Variants in SLC5A4 observed in about 807,000 individuals in gnomAD.
The protein encoded by SLC5A4 is probable glucose sensor protein SLC5A4.
A neutral mutation model predicts 70.3 loss-of-function variants in SLC5A4; 55 were observed. The ratio of observed to expected loss-of-function variants is 0.78; its 90% CI spans 0.63 to 0.98. The LOEUF (loss-of-function observed/expected upper bound fraction) is 0.98, where lower values mean the gene tolerates loss of function less well. Among genes scored for constraint, SLC5A4 ranks in the 50% least tolerant of loss-of-function variants. SLC5A4 has a pLI of 0.00. For synonymous variants in SLC5A4, 268 were observed against 305.7 expected (o/e 0.88, Z 1.29); for missense variants, 735 against 839.2 (o/e 0.88, Z 1.53).
At chr22:32,281,851 T>C in the SLC5A4 span, among the ~76,000 whole-genome samples, 1 of 151,814 alleles carries the variant, frequency 6.6e-6, no homozygotes, top group East Asian at 1.9e-4. Context: ...TTCATGTTTG[T>C]TTGTTTGTTT....
At chr22:32,241,348 G>T (rs1316622402) in intron 5 of SLC5A4, among the ~76,000 whole-genome samples, 3 of 152,106 alleles carry the variant, frequency 2.0e-5, no homozygotes, top group African/African-American at 7.2e-5. Context: ...CTGCCTTTCA[G>T]AACAGGGACC....
chr22:32,269,598 G>T, the SLC5A4 span: 17 of 622,704 alleles, frequency 2.7e-5, no homozygotes, highest in South Asian at 2.4e-4. This position sits in a 1 kb window ranked among gnomAD's most constrained non-coding sequence, Gnocchi z 4.1. Context: ...GCTACCCTTT[G>T]ACTGCACCCA....
the SLC5A4 span, among the ~76,000 whole-genome samples, chr22:32,308,404 A>G: frequency 3.3e-5 from 5 of 152,144 alleles, no homozygotes; most frequent in African/African-American, 9.7e-5. Flanking sequence ...AGAGGGATGT[A>G]AAGGGCCTGG....
At chr22:32,320,930 T>C in the SLC5A4 span, among the ~76,000 whole-genome samples, 1 of 152,222 alleles carries the variant, frequency 6.6e-6, no homozygotes, top group Non-Finnish European at 1.5e-5. Context: ...GCCCGGGAGC[T>C]GGTCTTCAGG....
At chr22:32,225,861 A>G in intron 11 of SLC5A4, 38 bp from the exon 12 acceptor site, 1 of 1,410,006 alleles carries the variant, frequency 7.1e-7, no homozygotes, top group Non-Finnish European at 9.8e-7. Flanking sequence ...ATTAAACAAA[A>G]GCACTATAGT....
chr22:32,318,713 C>G, the SLC5A4 span, among the ~76,000 whole-genome samples: 1 of 152,190 alleles, frequency 6.6e-6, no homozygotes, highest in Non-Finnish European at 1.5e-5. Flanking sequence ...GCCAGAGAAG[C>G]CCTGTGAAAA....
In SLC5A4 at chr22:32,224,470, C is replaced by T. The variant is rs1329206367; in HGVS notation, c.1462G>A (p.Gly488Ser). ...KRVNEQGAFWGLMVGLAMGLI... is the reference protein window; with the variant it reads ...KRVNEQGAFWSLMVGLAMGLI... ...CCCATTGCAAGTCCAACCATTAGAC[C>T]CCAGAATGCTCCCTGCAAAAGAAGC... Residue 488 changes from glycine (G) to serine (S), a missense_variant, in exon 13 of 15, where the codon GGT (glycine) becomes AGT (serine). Transcript: ENST00000266086. 2.5e-6 allele frequency: 4 copies of T among 1,613,012 alleles called. No individual in the cohort carries two copies. The highest frequency in any genetic ancestry group is 2.2e-5 in the East Asian group (1 of 44,858).
chr22:32,339,415 G>A, the SLC5A4 span, among the ~76,000 whole-genome samples: 1 of 152,136 alleles, frequency 6.6e-6, no homozygotes, highest in Non-Finnish European at 1.5e-5. Flanking sequence ...ACCTGCAGTT[G>A]CCCACTGGCC....
the SLC5A4 span, among the ~76,000 whole-genome samples, chr22:32,329,119 T>A: frequency 6.6e-6 from 1 of 152,234 alleles, no homozygotes; most frequent in Non-Finnish European, 1.5e-5. Context: ...TGCATCACAC[T>A]TTCATCCCCT....
At position 32,229,282 on chromosome 22, in the gene SLC5A4, A is replaced by T; in HGVS notation, c.1192T>A (p.Phe398Ile). The T allele has an allele frequency of 6.2e-7, 1 of 1,614,186 alleles. No homozygotes were observed. The highest frequency in any genetic ancestry group is 1.3e-5 in the African/African-American group (1 of 75,060). ...ASLMSSLTSI[F>I]NSASTLFTID... is the part of the protein sequence containing the mutation. ...GTGAAGAGGGTGCTGGCGCTGTTGAAGATGGAGGTCAGGGAGCTCATGAGA... is the reference window on the plus strand; with the variant it reads ...GTGAAGAGGGTGCTGGCGCTGTTGATGATGGAGGTCAGGGAGCTCATGAGA... Residue 398 changes from phenylalanine (F) to isoleucine (I), a missense_variant, in exon 11 of 15, where the codon TTC becomes ATC. Physicochemically the swap from Phe to Ile is conservative, Grantham distance 21. Coordinates refer to ENST00000266086, the MANE Select transcript of SLC5A4 (RefSeq NM_014227.3).
At chr22:32,226,961 A>G (rs752888763) in intron 11 of SLC5A4, among the ~76,000 whole-genome samples, 3 of 151,966 alleles carry the variant, frequency 2.0e-5, no homozygotes, top group Non-Finnish European at 4.4e-5. Context: ...TCACTCCCAC[A>G]CTTCCTGCAT....
chr22:32,333,876 CACAT>C, the SLC5A4 span, among the ~76,000 whole-genome samples: 178 of 151,248 alleles, frequency 1.2e-3, 1 homozygote, highest in African/African-American at 4.2e-3. Context: ...ACCCACAATA[CACAT>C]ACACACACAC....
the SLC5A4 span, among the ~76,000 whole-genome samples, chr22:32,297,262 G>C: frequency 3.4e-5 from 5 of 148,752 alleles, no homozygotes; most frequent in Non-Finnish European, 7.5e-5. Flanking sequence ...GGTAGAATTT[G>C]GCTGTGAATC....
At chr22:32,350,628 A>T in the SLC5A4 span, among the ~76,000 whole-genome samples, 1 of 152,178 alleles carries the variant, frequency 6.6e-6, no homozygotes, top group Non-Finnish European at 1.5e-5. Context: ...TATATGCTTT[A>T]AAACACTAAG....
chr22:32,273,373 T>C, the SLC5A4 span: 2 of 179,296 alleles, frequency 1.1e-5, no homozygotes, highest in Non-Finnish European at 2.4e-5. Context: ...ACAGCCTCCA[T>C]GTCCACAGAG....
chr22:32,340,610 C>T, the SLC5A4 span, among the ~76,000 whole-genome samples: 5 of 152,180 alleles, frequency 3.3e-5, no homozygotes, highest in Admixed American at 1.3e-4. Context: ...GAGAAGGCCC[C>T]TTTGATCGGG....
At chr22:32,308,714 TC>T in the SLC5A4 span, among the ~76,000 whole-genome samples, 1 of 151,532 alleles carries the variant, frequency 6.6e-6, no homozygotes, top group Non-Finnish European at 1.5e-5. Flanking sequence ...CTTGCTGCTT[TC>T]TAGAGCATTG....
Position 32,251,810 on chromosome 22 carries a change from C to T in SLC5A4, c.272G>A (p.Gly91Glu), listed in dbSNP as rs772429979. 9 of 1,613,986 alleles carry T rather than the reference C, an allele frequency of 5.6e-6. No homozygotes were observed. The highest frequency in any genetic ancestry group is 6.8e-6 in the Non-Finnish European group (8 of 1,179,866). The part of the protein sequence containing the change: ...SNHYVGLAGT[G>E]AASGVATVTF... ...TACGGTGGCGACTCCTGAAGCTGCT[C>T]CTGTCCCAGCCAGCCCCACATAGTG... The change falls in exon 3 of 15, where the codon GGA becomes GAA. Residue 91 changes from glycine to glutamate, a missense_variant. Physicochemically the swap from Gly to Glu is moderately conservative, Grantham distance 98 (BLOSUM62 -2). Transcript: ENST00000266086.
At chr22:32,339,856 C>T in the SLC5A4 span, among the ~76,000 whole-genome samples, 1 of 152,216 alleles carries the variant, frequency 6.6e-6, no homozygotes, top group Admixed American at 6.5e-5. Flanking sequence ...CAGACCAGGA[C>T]TTGTTTCACT....
Sources: allele counts gnomAD v4.1 joint callset (sites outside exome capture counted in the v4.1 genomes callset), GRCh38; gene constraint gnomAD v4.1.1; non-coding constraint Gnocchi (gnomAD v3.1); transcripts MANE v1.5; gene names NCBI Gene and HGNC (gene_info 2026-07-23, HGNC 2026-07-21).